The following PTPRT variants were observed in gnomAD, a reference collection of about 807,000 sequenced individuals.
The protein encoded by PTPRT is receptor-type tyrosine-protein phosphatase T.
PTPRT carries 56 observed loss-of-function variants against 176.8 expected under a neutral mutation model. That is an observed-to-expected ratio of 0.32 (90% CI 0.26 to 0.40). PTPRT has a LOEUF of 0.40. Ranked by LOEUF, PTPRT falls within the 10% of genes least tolerant of loss-of-function variation. PTPRT has a pLI of 1.00. For missense variants in PTPRT, 1,540 were observed against 1,908.2 expected (o/e 0.81, Z 3.60); for synonymous variants, 783 against 739.0 (o/e 1.06, Z -0.96).
At chr20:42,724,846 T>G (rs2076354891) in intron 6 of PTPRT, among the ~76,000 whole-genome samples, 1 of 152,106 alleles carries the variant, frequency 6.6e-6, no homozygotes, top group Non-Finnish European at 1.5e-5. Context: ...ACTCTGACCA[T>G]CCCTGCCTCC....
intron 11 of PTPRT, among the ~76,000 whole-genome samples, chr20:42,345,364 T>TACACACACACAC (rs778541205): frequency 1.1e-5 from 1 of 92,932 alleles, no homozygotes; most frequent in Admixed American, 1.3e-4. Flanking sequence ...TGAAGGCATA[T>TACACACACACAC]ATACACACAC....
At chr20:42,340,324 T>C (rs73115905) in intron 11 of PTPRT, among the ~76,000 whole-genome samples, 11,443 of 152,276 alleles carry the variant, frequency 0.075, 557 homozygotes, top group Non-Finnish European at 0.11. Context: ...TGAATACTTA[T>C]ATGTTTATAA....
chr20:42,114,939 C>T (rs1446135008), intron 22 of PTPRT, among the ~76,000 whole-genome samples: 2 of 152,166 alleles, frequency 1.3e-5, no homozygotes, highest in Non-Finnish European at 2.9e-5. Context: ...TTTCTATCTC[C>T]ATCCTTTGCA....
chr20:42,122,959 A>G (rs545607557), intron 19 of PTPRT, among the ~76,000 whole-genome samples: 1 of 152,228 alleles, frequency 6.6e-6, no homozygotes. Flanking sequence ...TACAGAGCTG[A>G]CTCATTCCTC....
At chr20:42,653,357 T>C (rs1300696006) in intron 7 of PTPRT, among the ~76,000 whole-genome samples, 1 of 152,258 alleles carries the variant, frequency 6.6e-6, no homozygotes, top group African/African-American at 2.4e-5. Flanking sequence ...GTCTTGGGTA[T>C]GTCTTTATTA....
chr20:42,734,716 C>T (rs557566152), intron 6 of PTPRT, among the ~76,000 whole-genome samples: 1 of 152,350 alleles, frequency 6.6e-6, no homozygotes, highest in African/African-American at 2.4e-5. Context: ...TCTCAGTTAG[C>T]TCCAGGCTGT....
intron 7 of PTPRT, among the ~76,000 whole-genome samples, chr20:42,578,130 A>G (rs1417965437): frequency 1.3e-5 from 2 of 152,110 alleles, no homozygotes; most frequent in African/African-American, 4.8e-5. Context: ...TAGGGATGGG[A>G]AAACAGGCCC....
chr20:42,781,707 G>A (rs1322403912), intron 3 of PTPRT, among the ~76,000 whole-genome samples: 1 of 152,120 alleles, frequency 6.6e-6, no homozygotes, highest in Non-Finnish European at 1.5e-5. Context: ...AACACTTCCT[G>A]ACTTTCCACT....
chr20:42,976,328 C>T (rs1176247013), intron 1 of PTPRT, among the ~76,000 whole-genome samples: 2 of 152,160 alleles, frequency 1.3e-5, no homozygotes. Context: ...ACCAAATTCC[C>T]ACCTTATCCC....
At chr20:42,203,644 T>C (rs904416323) in intron 15 of PTPRT, among the ~76,000 whole-genome samples, 1 of 152,220 alleles carries the variant, frequency 6.6e-6, no homozygotes, top group Non-Finnish European at 1.5e-5. Flanking sequence ...CCATTGAACA[T>C]GTACATGTAT....
chr20:43,051,097 A>T (rs936479335), intron 1 of PTPRT, among the ~76,000 whole-genome samples: 1 of 152,204 alleles, frequency 6.6e-6, no homozygotes, highest in Non-Finnish European at 1.5e-5. Context: ...AATAGAACCA[A>T]GATATGGAGA....
At chr20:42,429,756 T>C (rs2059199030) in intron 9 of PTPRT, among the ~76,000 whole-genome samples, 1 of 152,186 alleles carries the variant, frequency 6.6e-6, no homozygotes, top group African/African-American at 2.4e-5. Context: ...ATAAATTCTA[T>C]TATAAACTAA....
intron 11 of PTPRT, among the ~76,000 whole-genome samples, chr20:42,343,688 G>T (rs553958472): frequency 1.3e-5 from 2 of 152,278 alleles, no homozygotes; most frequent in African/African-American, 4.8e-5. Flanking sequence ...AGGTAATGTT[G>T]TTTTGAAGAT....
rs983518072 is a variant in PTPRT at position 42,073,435 on chromosome 20, G to A, written c.*7444C>T. The A allele has an allele frequency of 1.5e-5, 3 of 197,584 alleles. No individual in the cohort carries two copies. Among genetic ancestry groups the A allele is most frequent in the Non-Finnish European group, 3.2e-5 (3 of 95,014 alleles). 12.2% of individuals were successfully genotyped at this position (197,584 alleles called of 1,614,324 possible). On this transcript the variant is annotated 3_prime_UTR_variant, in exon 31 of 31. Coordinates refer to ENST00000373187, the MANE Select transcript of PTPRT (RefSeq NM_007050.6). ...TACTGTGCTTTTGCTTTTGCAGTGT[G>A]CTCCAACAGGCCTTGAATAGGGAGT...
chr20:42,606,210 C>T (rs1388790452), intron 7 of PTPRT, among the ~76,000 whole-genome samples: 1 of 151,454 alleles, frequency 6.6e-6, no homozygotes, highest in East Asian at 1.9e-4. Flanking sequence ...ACCCCTTCCA[C>T]CCCAAGATAA....
At position 42,820,233 on chromosome 20, in the gene PTPRT, G is replaced by A. The variant is rs1389145987; in HGVS notation, c.215-28767C>T. ...AACAAACAGTCTCTCAGACCACAGG[G>A]CAATCAAATTAGAACTCAGGATTAA... On this transcript the variant is annotated intron_variant, in intron 2 of 30. Coordinates refer to ENST00000373187, the MANE Select transcript of PTPRT (RefSeq NM_007050.6). 3.3e-5 allele frequency among the ~76,000 whole-genome samples: 5 copies of A among 152,138 alleles called. No homozygotes were observed. In the East Asian group the frequency reaches 7.7e-4, roughly 23 times the overall value.
intron 7 of PTPRT, among the ~76,000 whole-genome samples, chr20:42,608,284 C>T (rs1319273869): frequency 1.3e-5 from 2 of 152,154 alleles, no homozygotes; most frequent in African/African-American, 4.8e-5. Flanking sequence ...CATGATGCCA[C>T]TCTATAAAGA....
At chr20:42,996,900 T>C (rs1025174976) in intron 1 of PTPRT, among the ~76,000 whole-genome samples, 1 of 152,190 alleles carries the variant, frequency 6.6e-6, no homozygotes, top group Non-Finnish European at 1.5e-5. Flanking sequence ...AACAAGTCAA[T>C]AGATTTAAAG....
At chr20:42,689,124 A>G (rs1476211028) in intron 6 of PTPRT, among the ~76,000 whole-genome samples, 1 of 152,198 alleles carries the variant, frequency 6.6e-6, no homozygotes, top group African/African-American at 2.4e-5. Flanking sequence ...GTCAGCACAG[A>G]CATTTCTGTT....
Sources: allele counts gnomAD v4.1 joint callset (sites outside exome capture counted in the v4.1 genomes callset), GRCh38; gene constraint gnomAD v4.1.1; transcripts MANE v1.5; gene names NCBI Gene and HGNC (gene_info 2026-07-23, HGNC 2026-07-21).